Variants in ITGB8 observed in about 807,000 individuals in gnomAD.
ITGB8 encodes the protein integrin subunit beta 8, also known as integrin beta-8.
In ITGB8, 30 loss-of-function variants were observed where a neutral mutation model predicts 89.5. The observed-to-expected ratio is 0.34, with a 90% confidence interval of 0.25 to 0.45. The LOEUF is 0.45. Among genes scored for constraint, ITGB8 ranks in the 20% least tolerant of loss-of-function variants. ITGB8 has a pLI of 1.00. For missense variants in ITGB8, 836 were observed against 933.3 expected, an observed-to-expected ratio of 0.90 and a Z score of 1.36; for synonymous variants, 335 against 320.4, an observed-to-expected ratio of 1.05 and a Z score of -0.49.
At position 20,401,771 on chromosome 7, in the gene ITGB8, A is replaced by T; in HGVS notation, c.1332A>T (p.Gly444=). The T allele has an allele frequency of 1.9e-6, 3 of 1,595,024 alleles. No homozygotes were observed. The East Asian group carries it at 6.7e-5, about 36-fold the overall frequency. ...TGAAAAAATGTGATGTCACAGGAGG[A>T]AAAAACTATGCAATAATCAAACCTA... ...VTMKKCDVTG[G]KNYAIIKPIG... Residue 444 remains glycine (G), a synonymous_variant, in exon 10 of 14, where the codon GGA becomes GGT. Transcript: ENST00000222573.
intron 12 of ITGB8, among the ~76,000 whole-genome samples, chr7:20,407,177 T>C (rs1787576420): frequency 6.6e-6 from 1 of 151,992 alleles, no homozygotes; most frequent in African/African-American, 2.4e-5. Context: ...GGAAGTACGT[T>C]GCATGGGAAT....
chr7:20,412,509 T>C lies in ITGB8; in HGVS notation c.*2512T>C, dbSNP rs368983621. The C allele has an allele frequency of 1.3e-5, 2 of 152,692 alleles. No homozygotes were observed. The highest frequency in any genetic ancestry group is 1.9e-4 in the East Asian group (1 of 5,182). 9.5% of individuals were successfully genotyped at this position (152,692 alleles called of 1,614,324 possible). On this transcript the variant is annotated 3_prime_UTR_variant, in exon 14 of 14. Coordinates refer to ENST00000222573, the MANE Select transcript of ITGB8 (RefSeq NM_002214.3). Reference sequence around the variant, plus strand: ...TGGAATGAATTATCCAAAAAGAGTATAACAAAATGAAATCCTTAAAAATCC... The same window carrying C: ...TGGAATGAATTATCCAAAAAGAGTACAACAAAATGAAATCCTTAAAAATCC...
At chr7:20,392,079 C>G (rs1263107160) in intron 7 of ITGB8, among the ~76,000 whole-genome samples, 1 of 152,116 alleles carries the variant, frequency 6.6e-6, no homozygotes, top group Non-Finnish European at 1.5e-5. Flanking sequence ...AAATAGACAG[C>G]AACTGTGTCA....
chr7:20,346,945 A>G (rs905251680), intron 1 of ITGB8: 7 of 692,882 alleles, frequency 1.0e-5, no homozygotes, highest in African/African-American at 1.9e-5. Context: ...CTAATCATCA[A>G]TGTAATGGCA....
intron 8 of ITGB8, among the ~76,000 whole-genome samples, chr7:20,398,041 A>G (rs761342746): frequency 2.0e-5 from 3 of 152,024 alleles, no homozygotes; most frequent in Non-Finnish European, 4.4e-5. Context: ...CACAGATCTG[A>G]AGTATACATT....
At chr7:20,355,292 G>C (rs1785254448) in intron 1 of ITGB8, among the ~76,000 whole-genome samples, 1 of 152,294 alleles carries the variant, frequency 6.6e-6, no homozygotes, top group East Asian at 1.9e-4. Flanking sequence ...TCAGGTTGAG[G>C]CCACACTCCC....
At chr7:20,350,292 T>C (rs1785071305) in intron 1 of ITGB8, among the ~76,000 whole-genome samples, 1 of 152,030 alleles carries the variant, frequency 6.6e-6, no homozygotes, top group African/African-American at 2.4e-5. Context: ...AGATTACAGG[T>C]GCCCGCCACC....
At chr7:20,337,189 C>T (rs1435639225) in intron 1 of ITGB8, among the ~76,000 whole-genome samples, 1 of 152,030 alleles carries the variant, frequency 6.6e-6, no homozygotes, top group Non-Finnish European at 1.5e-5. Flanking sequence ...TAATTCTTTA[C>T]CCTTGGTATC....
intron 1 of ITGB8, among the ~76,000 whole-genome samples, chr7:20,339,584 G>GA (rs1370902868): frequency 6.6e-6 from 1 of 152,002 alleles, no homozygotes; most frequent in Admixed American, 6.6e-5. Context: ...TGCAGTTATT[G>GA]AAAAAAGTCC....
chr7:20,386,044 GTCTCAGATGCATAC>G (rs1786599425), intron 6 of ITGB8, among the ~76,000 whole-genome samples: 1 of 152,076 alleles, frequency 6.6e-6, no homozygotes, highest in African/African-American at 2.4e-5. Context: ...TCTCAGGTTT[GTCTCAGATGCATAC>G]TAATAAAAAT....
intron 6 of ITGB8, among the ~76,000 whole-genome samples, chr7:20,387,620 G>C (rs1786679799): frequency 6.6e-6 from 1 of 152,172 alleles, no homozygotes; most frequent in Non-Finnish European, 1.5e-5. Flanking sequence ...CATTTTGACT[G>C]TCATAACTGT....
At chr7:20,396,345 A>G (rs1336967049) in intron 8 of ITGB8, among the ~76,000 whole-genome samples, 1 of 151,872 alleles carries the variant, frequency 6.6e-6, no homozygotes. Flanking sequence ...AGGCAGGAGA[A>G]TGGCTTGAAC....
At chr7:20,345,788 A>G (rs971110263) in intron 1 of ITGB8, among the ~76,000 whole-genome samples, 8 of 152,188 alleles carry the variant, frequency 5.3e-5, no homozygotes, top group African/African-American at 1.9e-4. Flanking sequence ...TGGTAATTAC[A>G]AGGTCTAAAT....
rs747133643 is a variant in ITGB8, at chr7:20,331,880, C to G, written c.74C>G (p.Ser25Trp). The G allele has an allele frequency of 6.2e-7, 1 of 1,614,148 alleles. No homozygotes were observed. The highest frequency in any genetic ancestry group is 8.5e-7 in the Non-Finnish European group (1 of 1,180,034). Reference sequence around the variant, plus strand: ...CAAAACGACCGGCGAGGTCCCGCCTCGTTCCTCTGGGCAGCCTGGGTGTTT... The same window carrying G: ...CAAAACGACCGGCGAGGTCCCGCCTGGTTCCTCTGGGCAGCCTGGGTGTTT... ...CLQNDRRGPA[S>W]FLWAAWVFSL... The change falls in exon 1 of 14, where the codon TCG (serine) becomes TGG (tryptophan). Residue 25 changes from serine to tryptophan, a missense_variant. Transcript: ENST00000222573.
intron 6 of ITGB8, among the ~76,000 whole-genome samples, chr7:20,383,304 C>A (rs768038111): frequency 6.6e-6 from 1 of 152,128 alleles, no homozygotes; most frequent in African/African-American, 2.4e-5. Context: ...AGATTGAATT[C>A]AAAAATTCAA....
intron 6 of ITGB8, among the ~76,000 whole-genome samples, chr7:20,385,673 A>G (rs1319016700): frequency 2.6e-5 from 4 of 152,232 alleles, no homozygotes; most frequent in Admixed American, 6.5e-5. Flanking sequence ...ACTTTTAAGT[A>G]TGCCATTTAG....
At chr7:20,361,378 A>G (rs1383540402) in intron 1 of ITGB8, among the ~76,000 whole-genome samples, 1 of 152,210 alleles carries the variant, frequency 6.6e-6, no homozygotes, top group Non-Finnish European at 1.5e-5. Context: ...TGACTGGGTA[A>G]TTTACAAACA....
intron 1 of ITGB8, among the ~76,000 whole-genome samples, chr7:20,341,296 T>A: frequency 6.6e-6 from 1 of 152,090 alleles, no homozygotes; most frequent in Non-Finnish European, 1.5e-5. Context: ...CCAAGAAAAT[T>A]CATCTAGACA....
At chr7:20,367,323 T>C (rs1785740836) in intron 3 of ITGB8, 137 bp downstream of exon 3, 1 of 698,540 alleles carries the variant, frequency 1.4e-6, no homozygotes, top group South Asian at 1.7e-5. Context: ...ATCAAGAAAT[T>C]AGAATTCTAG....
Sources: gnomAD v4.1 joint callset for allele counts (sites outside exome capture counted in the v4.1 genomes callset) on GRCh38, gnomAD v4.1.1 for gene constraint, MANE v1.5 for transcripts, NCBI Gene and HGNC (gene_info 2026-07-23, HGNC 2026-07-21) for gene names.